COPG2: variants seen among roughly 807,000 people sequenced by gnomAD.
COPG2 encodes the protein coatomer subunit gamma-2.
Under a neutral mutation model 46.3 loss-of-function variants are expected in COPG2, and 37 were observed. That is an observed-to-expected ratio of 0.80 (90% CI 0.61 to 1.05). COPG2 has a LOEUF of 1.05. Among genes scored for constraint, COPG2 ranks in the 50% least tolerant of loss-of-function variants. COPG2 has a pLI of 0.00. For synonymous variants in COPG2, 159 were observed against 129.7 expected, an observed-to-expected ratio of 1.23 and a Z score of -1.53; for missense variants, 427 against 387.8, an observed-to-expected ratio of 1.10 and a Z score of -0.85.
At chr7:130,577,571 C>T (rs1425202446) in intron 9 of COPG2, among the ~76,000 whole-genome samples, 1 of 151,516 alleles carries the variant, frequency 6.6e-6, no homozygotes, top group Non-Finnish European at 1.5e-5. Context: ...ACCATCCTGG[C>T]TAACAAGGTG....
rs1584970617 is a variant in COPG2, at chr7:130,550,658, CAT to C, written c.1649-11_1649-10del. 1 of 396,940 alleles carries C rather than the reference CAT, an allele frequency of 2.5e-6. No individual in the cohort carries two copies. The allele number at this position is 396,940 out of a possible 1,614,324, so 24.6% of individuals were successfully genotyped here. A position where few individuals can be genotyped will look rare whatever the true frequency, so the allele number is the denominator to read the frequency against. On this transcript the variant is annotated splice_polypyrimidine_tract_variant and intron_variant, in intron 16 of 23. Transcript: ENST00000425248. ...TACAGAGACCGTCAAACCTGTGAAA[CAT>C]AGAGAAATCTCAGCATTATAACCTC... is the stretch of plus-strand genomic sequence containing the variant.
At chr7:130,529,189 A>C (rs1799801666) in intron 20 of COPG2, among the ~76,000 whole-genome samples, 1 of 152,100 alleles carries the variant, frequency 6.6e-6, no homozygotes, top group Non-Finnish European at 1.5e-5. Flanking sequence ...AAAGGATGGC[A>C]ATGTTGGCAG....
At chr7:130,662,054 C>G (rs782331211) in intron 4 of COPG2, among the ~76,000 whole-genome samples, 13 of 152,148 alleles carry the variant, frequency 8.5e-5, no homozygotes, top group Non-Finnish European at 1.3e-4. Flanking sequence ...GATATATGGA[C>G]AGACTCTGAT....
chr7:130,513,039 A>G (rs868918953), intron 20 of COPG2, among the ~76,000 whole-genome samples: 4 of 151,992 alleles, frequency 2.6e-5, no homozygotes, highest in Middle Eastern at 3.4e-3. Context: ...TAATCCCAGC[A>G]CTTCAGGGGA....
intron 5 of COPG2, among the ~76,000 whole-genome samples, chr7:130,643,862 A>G (rs542435197): frequency 9.9e-5 from 15 of 152,264 alleles, no homozygotes; most frequent in African/African-American, 3.4e-4. Context: ...CTGGCTACTC[A>G]GGAGGCTGAG....
intron 8 of COPG2, 102 bp from the exon 9 acceptor site, chr7:130,611,212 A>C: frequency 9.4e-7 from 1 of 1,060,390 alleles, no homozygotes; most frequent in Non-Finnish European, 1.3e-6. Flanking sequence ...TTTCTTTAAA[A>C]TACCCAGGTC....
intron 9 of COPG2, among the ~76,000 whole-genome samples, chr7:130,598,104 AC>A (rs1554449921): frequency 6.6e-6 from 1 of 152,122 alleles, no homozygotes. Context: ...GGAAGCTGGG[AC>A]ATTAGAGCAA....
At position 130,608,226 on chromosome 7, in the gene COPG2, T is replaced by C. The variant is rs782420374; in HGVS notation, c.737+2727A>G. 3 of 467,334 alleles carry C rather than the reference T, an allele frequency of 6.4e-6. No homozygotes were observed. In the East Asian group the frequency reaches 1.8e-4, roughly 29 times the overall value. The allele number at this position is 467,334 out of a possible 1,614,324, so 28.9% of individuals were successfully genotyped here. A position where few individuals can be genotyped will look rare whatever the true frequency, so the allele number is the denominator to read the frequency against. ...ATACTACTGCATGATACAAAAACTT[T>C]ACAAATGTCCATTTTTCTCCCTCAT... On this transcript the variant is annotated intron_variant, in intron 9 of 23. Transcript: ENST00000425248.
chr7:130,584,426 C>T (rs1376202501), intron 9 of COPG2, among the ~76,000 whole-genome samples: 4 of 152,020 alleles, frequency 2.6e-5, no homozygotes, highest in African/African-American at 4.8e-5. Flanking sequence ...ACTCTCACCA[C>T]GCCTCTTCAA....
intron 9 of COPG2, 22 bp from the exon 10 acceptor site, chr7:130,564,415 C>T (rs1793769419): frequency 2.5e-6 from 1 of 398,338 alleles, no homozygotes; most frequent in Non-Finnish European, 4.4e-6. Flanking sequence ...TATTTATAGG[C>T]CATTATTTAG....
At chr7:130,668,390 C>A (rs1341022599) in intron 1 of COPG2, among the ~76,000 whole-genome samples, 5 of 148,498 alleles carry the variant, frequency 3.4e-5, no homozygotes, top group East Asian at 4.0e-4. Flanking sequence ...GGGGCGGGAA[C>A]GGGGCGCGCG....
At chr7:130,662,033 A>G (rs1795990443) in intron 4 of COPG2, among the ~76,000 whole-genome samples, 1 of 152,190 alleles carries the variant, frequency 6.6e-6, no homozygotes, top group African/African-American at 2.4e-5. Context: ...GGCCCTGAAA[A>G]GTAGAATGAA....
chr7:130,626,568 T>TAA (rs1554454328), intron 5 of COPG2, among the ~76,000 whole-genome samples: 1 of 152,078 alleles, frequency 6.6e-6, no homozygotes, highest in Non-Finnish European at 1.5e-5. Context: ...TCTTAGTCTA[T>TAA]AAGAGAGAGC....
chr7:130,579,125 G>A lies in COPG2; in HGVS notation c.738-14732C>T, dbSNP rs1265043549. ...AAGGTCGGGTTACCCTCAAAGGGAA[G>A]CCCATCAGACTAACAGCGGATCTCT... On this transcript the variant is annotated intron_variant, in intron 9 of 23. Transcript: ENST00000425248. 5.8e-5 allele frequency among the ~76,000 whole-genome samples: 5 copies of A among 86,862 alleles called. No homozygotes were observed. In the East Asian group the frequency reaches 1.5e-3, roughly 26 times the overall value. The allele number at this position is 86,862 out of a possible 152,430, so 57.0% of individuals were successfully genotyped here. A position where few individuals can be genotyped will look rare whatever the true frequency, so the allele number is the denominator to read the frequency against.
At chr7:130,605,953 A>T (rs1554451173) in intron 9 of COPG2, among the ~76,000 whole-genome samples, 1 of 152,208 alleles carries the variant, frequency 6.6e-6, no homozygotes, top group Non-Finnish European at 1.5e-5. Flanking sequence ...AATACCTCAA[A>T]TTGTAGAACT....
At chr7:130,647,016 T>C (rs1356389952) in intron 5 of COPG2, among the ~76,000 whole-genome samples, 1 of 140,894 alleles carries the variant, frequency 7.1e-6, no homozygotes, top group East Asian at 2.0e-4. Context: ...TATATGTATA[T>C]ATATATATGT....
chr7:130,588,814 G>A (rs1794339304), intron 9 of COPG2, among the ~76,000 whole-genome samples: 1 of 151,838 alleles, frequency 6.6e-6, no homozygotes, highest in African/African-American at 2.4e-5. Flanking sequence ...AAAAAGCTTA[G>A]AACATGGAGA....
Position 130,668,653 on chromosome 7 carries a change from C to T in COPG2, c.16G>A (p.Asp6Asn), listed in dbSNP as rs1214652270. The T allele has an allele frequency of 1.3e-6, 2 of 1,543,158 alleles. No homozygotes were observed. The highest frequency in any genetic ancestry group is 2.7e-5 in the East Asian group (1 of 37,200). MIKKF[D>N]KKDEESGSGS... The stretch of plus-strand genomic sequence containing the variant: ...GTACCAGACTCCTCGTCCTTCTTGT[C>T]GAATTTTTTAATCATCTTGGACGAC... The change falls in exon 1 of 24, where the codon GAC (aspartate) becomes AAC (asparagine). Residue 6 changes from aspartate (D) to asparagine (N), a missense_variant. Physicochemically the swap from Asp to Asn is conservative, Grantham distance 23. Transcript: ENST00000425248.
In COPG2 at chr7:130,561,154, G is replaced by C; in HGVS notation, c.1007C>G (p.Ser336Ter). The C allele has an allele frequency of 2.5e-6, 1 of 398,542 alleles. No individual in the cohort carries two copies. 24.7% of individuals were successfully genotyped at this position (398,542 alleles called of 1,614,324 possible). A position where few individuals can be genotyped will look rare whatever the true frequency, so the allele number is the denominator to read the frequency against. The part of the protein sequence containing the change: ...NLDLENLITD[S>*]NRSIATLAIT... Reference sequence around the variant, plus strand: ...GGCTAAGGTAGCAATGCTTCTGTTTGAGTCTGTGATTAAGTTTTCTAAGTC... The same window carrying C: ...GGCTAAGGTAGCAATGCTTCTGTTTCAGTCTGTGATTAAGTTTTCTAAGTC... Residue 336 changes from serine to a stop codon, truncating the protein, a stop_gained, in exon 12 of 24, where the codon TCA (serine) becomes TGA (stop). Transcript: ENST00000425248. LOFTEE classifies it high-confidence loss of function.
Sources: gnomAD v4.1 joint callset for allele counts (sites outside exome capture counted in the v4.1 genomes callset) on GRCh38, gnomAD v4.1.1 for gene constraint, MANE v1.5 for transcripts, NCBI Gene and HGNC (gene_info 2026-07-23, HGNC 2026-07-21) for gene names.